SLC22A25: variants seen among roughly 807,000 people sequenced by gnomAD.
SLC22A25 encodes the protein solute carrier family 22 member 25.
In SLC22A25, 44 loss-of-function variants were observed where a neutral mutation model predicts 45.9. That is an observed-to-expected ratio of 0.96 (90% CI 0.75 to 1.23). SLC22A25 has a LOEUF of 1.23. Ranked by LOEUF, SLC22A25 falls within the 50% of genes most tolerant of loss-of-function variation. The pLI is 0.00. For synonymous variants in SLC22A25, 283 were observed against 238.6 expected (o/e 1.19, Z -1.72); for missense variants, 800 against 666.4 (o/e 1.20, Z -2.21).
chr11:63,239,709 A>C (rs963858127), intron 1 of SLC22A25, among the ~76,000 whole-genome samples: 1 of 152,230 alleles, frequency 6.6e-6, no homozygotes, highest in African/African-American at 2.4e-5. Flanking sequence ...CATTTCAAAC[A>C]TAAGTTTTTC....
chr11:63,237,693 A>C (rs1565131317), intron 3 of SLC22A25, among the ~76,000 whole-genome samples, 188 bp downstream of exon 3: 1 of 152,178 alleles, frequency 6.6e-6, no homozygotes, highest in Non-Finnish European at 1.5e-5. Context: ...TGTCAGGCTT[A>C]ATGGAGATGT....
intron 7 of SLC22A25, among the ~76,000 whole-genome samples, chr11:63,209,521 C>T (rs749883843): frequency 4.5e-4 from 69 of 151,982 alleles, no homozygotes; most frequent in South Asian, 6.2e-4. Flanking sequence ...CAGAAGCCCC[C>T]GTTAGAAAAA....
At chr11:63,224,408 G>A (rs561833777) in intron 5 of SLC22A25, among the ~76,000 whole-genome samples, 11 of 152,162 alleles carry the variant, frequency 7.2e-5, no homozygotes, top group African/African-American at 2.2e-4. Flanking sequence ...TGATTGCAGA[G>A]ATTAGTTCAT....
Position 63,160,424 on chromosome 11 carries a change from G to A in SLC22A25, c.*3400C>T, listed in dbSNP as rs2087523904. On this transcript the variant is annotated 3_prime_UTR_variant, in exon 12 of 12. Transcript: ENST00000306494. ...TCCATGTGGTGTTGAGCCTACAGGT[G>A]CAAAGAAGTCAAGAATTGAGGTTTG... 1.3e-5 allele frequency among the ~76,000 whole-genome samples: 2 copies of A among 152,168 alleles called. No homozygotes were observed. The highest frequency in any genetic ancestry group is 4.1e-4 in the South Asian group (2 of 4,824).
At chr11:63,205,458 A>G (rs1382681598) in intron 7 of SLC22A25, among the ~76,000 whole-genome samples, 1 of 152,226 alleles carries the variant, frequency 6.6e-6, no homozygotes, top group East Asian at 1.9e-4. Context: ...ACAATAAAAA[A>G]TGATAAAGGG....
intron 7 of SLC22A25, among the ~76,000 whole-genome samples, chr11:63,204,000 T>A (rs566805554): frequency 1.3e-5 from 2 of 152,242 alleles, no homozygotes; most frequent in Non-Finnish European, 2.9e-5. Flanking sequence ...TGGGAGCCAA[T>A]AATCAACACT....
In SLC22A25 at chr11:63,180,052, A is replaced by G. The variant is rs542568890; in HGVS notation, c.1070+608T>C. Among the ~76,000 whole-genome samples, 3 of 152,278 alleles carry G rather than the reference A, an allele frequency of 2.0e-5. No individual in the cohort carries two copies. The South Asian group carries it at 6.2e-4, about 32-fold the overall frequency. ...AAGGGGTTGTCATGTATAAACTGAC[A>G]TTACTCTTCTTGCCCATTTCAGTGC... On this transcript the variant is annotated intron_variant, in intron 9 of 11. Coordinates refer to ENST00000306494, the MANE Select transcript of SLC22A25 (RefSeq NM_199352.6).
chr11:63,236,930 C>A (rs2090174931), intron 3 of SLC22A25, among the ~76,000 whole-genome samples: 1 of 152,166 alleles, frequency 6.6e-6, no homozygotes. Context: ...CAGCATAGAA[C>A]ACTGTTCTCC....
chr11:63,181,314 CA>C (rs1374748961), intron 8 of SLC22A25, among the ~76,000 whole-genome samples: 1 of 151,894 alleles, frequency 6.6e-6, no homozygotes, highest in East Asian at 1.9e-4. Context: ...ACATGATATA[CA>C]TGTGCCATGT....
intron 8 of SLC22A25, among the ~76,000 whole-genome samples, chr11:63,181,707 C>A (rs2088331224): frequency 6.6e-6 from 1 of 152,006 alleles, no homozygotes; most frequent in South Asian, 2.1e-4. Context: ...AAAGAGATTG[C>A]ATTCAAGTCT....
At chr11:63,194,390 G>A (rs1005386930) in intron 7 of SLC22A25, among the ~76,000 whole-genome samples, 4 of 152,110 alleles carry the variant, frequency 2.6e-5, no homozygotes, top group African/African-American at 4.8e-5. Flanking sequence ...AGGAAAAAAT[G>A]TTAAGGGCAG....
At chr11:63,168,936 C>A (rs908408295) in intron 9 of SLC22A25, among the ~76,000 whole-genome samples, 4 of 152,142 alleles carry the variant, frequency 2.6e-5, no homozygotes, top group African/African-American at 9.7e-5. Context: ...AGGTTACCTA[C>A]AAAGGAAAGT....
rs1235198482 is a variant in SLC22A25, at chr11:63,160,673, G to A, written c.*3151C>T. ...CCCCAGAATTGTAAAGGCATTGACAGCTTGCACTGCACACCTGGAAAAGCT... is the reference window on the plus strand; with the variant it reads ...CCCCAGAATTGTAAAGGCATTGACAACTTGCACTGCACACCTGGAAAAGCT... On this transcript the variant is annotated 3_prime_UTR_variant, in exon 12 of 12. Transcript: ENST00000306494. Among the ~76,000 whole-genome samples the A allele has an allele frequency of 6.6e-6, 1 of 152,186 alleles. No homozygotes were observed. Among genetic ancestry groups the A allele is most frequent in the African/African-American group, 2.4e-5 (1 of 41,442 alleles).
At chr11:63,218,736 G>T (rs77395872) in intron 5 of SLC22A25, among the ~76,000 whole-genome samples, 5,991 of 152,094 alleles carry the variant, frequency 0.039, 400 homozygotes, top group African/African-American at 0.14. Context: ...TCAGGGGAGG[G>T]TTAAAAAAAT....
chr11:63,233,218 C>T (rs953170474), intron 3 of SLC22A25, among the ~76,000 whole-genome samples: 1 of 152,156 alleles, frequency 6.6e-6, no homozygotes, highest in African/African-American at 2.4e-5. Context: ...GGTACCAGCT[C>T]CTCCTTTTAC....
intron 5 of SLC22A25, among the ~76,000 whole-genome samples, chr11:63,222,355 T>G (rs2089872046): frequency 6.6e-6 from 1 of 152,220 alleles, no homozygotes; most frequent in African/African-American, 2.4e-5. Context: ...TTAGGTTATA[T>G]TCTAGGTATT....
chr11:63,176,993 T>C, intron 9 of SLC22A25, among the ~76,000 whole-genome samples: 1 of 152,046 alleles, frequency 6.6e-6, no homozygotes, highest in East Asian at 1.9e-4. Flanking sequence ...TTATTTCTCT[T>C]CATTTTTGAA....
intron 7 of SLC22A25, among the ~76,000 whole-genome samples, chr11:63,216,734 T>C (rs958674078): frequency 2.0e-5 from 3 of 152,182 alleles, no homozygotes; most frequent in Non-Finnish European, 4.4e-5. Flanking sequence ...ACCTAGGTGA[T>C]AAAATAATCT....
intron 7 of SLC22A25, among the ~76,000 whole-genome samples, chr11:63,212,289 C>T (rs1388271239): frequency 2.0e-5 from 3 of 151,950 alleles, no homozygotes; most frequent in African/African-American, 7.3e-5. Flanking sequence ...ACTAGAAATA[C>T]CATTTGACCC....
Sources: allele counts gnomAD v4.1 joint callset (sites outside exome capture counted in the v4.1 genomes callset), GRCh38; gene constraint gnomAD v4.1.1; transcripts MANE v1.5; gene names NCBI Gene and HGNC (gene_info 2026-07-23, HGNC 2026-07-21).